The following CKAP5 variants were observed in gnomAD, a reference collection of about 807,000 sequenced individuals.
The protein encoded by CKAP5 is cytoskeleton-associated protein 5.
In CKAP5, 27 loss-of-function variants were observed where a neutral mutation model predicts 232.8. The observed-to-expected ratio is 0.12, with a 90% CI of 0.09 to 0.16. CKAP5 has a LOEUF of 0.16. Among genes scored for constraint, CKAP5 ranks in the 10% least tolerant of loss-of-function variants. The pLI is 1.00. For missense variants in CKAP5, 1,838 were observed against 2,424.7 expected (o/e 0.76, Z 5.08); for synonymous variants, 785 against 841.1 (o/e 0.93, Z 1.16).
In CKAP5 at chr11:46,789,409, G is replaced by A. The variant is rs551293362; in HGVS notation, c.1876-636C>T. On this transcript the variant is annotated intron_variant, in intron 15 of 43. Transcript: ENST00000529230. ...TCTACCAAGGAATCATGATGATAAA[G>A]GGGAGAAAAAGTACTGGATGAGGGG... 2.6e-5 allele frequency among the ~76,000 whole-genome samples: 4 copies of A among 152,070 alleles called. No homozygotes were observed. The South Asian group carries it at 8.3e-4, about 31-fold the overall frequency.
At chr11:46,751,011 C>T in intron 40 of CKAP5, 107 bp downstream of exon 40, 1 of 1,332,860 alleles carries the variant, frequency 7.5e-7, no homozygotes, top group Admixed American at 1.9e-5. Flanking sequence ...AGTCCATGAG[C>T]CTTCACCTTG....
intron 1 of CKAP5, among the ~76,000 whole-genome samples, chr11:46,834,702 A>C (rs1050204548): frequency 6.6e-6 from 1 of 152,126 alleles, no homozygotes; most frequent in Admixed American, 6.5e-5. Context: ...GGTGATATTC[A>C]AGGGGACTAT....
intron 1 of CKAP5, among the ~76,000 whole-genome samples, chr11:46,833,794 A>G (rs1939851616): frequency 6.6e-6 from 1 of 151,712 alleles, no homozygotes; most frequent in Non-Finnish European, 1.5e-5. Flanking sequence ...TAGTAGTATT[A>G]ACAGATTTCA....
chr11:46,841,567 T>G (rs1295487776), intron 1 of CKAP5, among the ~76,000 whole-genome samples: 2 of 152,190 alleles, frequency 1.3e-5, no homozygotes, highest in East Asian at 3.8e-4. Flanking sequence ...GGTGGCCAAG[T>G]GGTCACCCAT....
chr11:46,751,111 C>T lies in CKAP5; in HGVS notation c.5460+7G>A. 6.2e-7 allele frequency: 1 copy of T among 1,614,036 alleles called. No homozygotes were observed. The highest frequency in any genetic ancestry group is 1.1e-5 in the South Asian group (1 of 91,066). On this transcript the variant is annotated splice_region_variant and intron_variant, in intron 40 of 43. Coordinates refer to ENST00000529230, the MANE Select transcript of CKAP5 (RefSeq NM_001008938.4). ...TGTCCCTCAATCTTTCAAGTCAGGC[C>T]ACTCACTATTCGAGATGCTCCCTTT...
chr11:46,778,689 T>C, intron 20 of CKAP5, 90 bp from the exon 21 acceptor site: 1 of 1,066,332 alleles, frequency 9.4e-7, no homozygotes, highest in Non-Finnish European at 1.4e-6. Flanking sequence ...CAAACTCTCA[T>C]TCCTTTGTAA....
At chr11:46,794,456 C>T (rs1365860768) in intron 13 of CKAP5, among the ~76,000 whole-genome samples, 1 of 152,052 alleles carries the variant, frequency 6.6e-6, no homozygotes, top group Non-Finnish European at 1.5e-5. Flanking sequence ...TGCCTCAAAA[C>T]AACCCAATTC....
At chr11:46,755,495 C>T (rs2065103855) in intron 35 of CKAP5, among the ~76,000 whole-genome samples, 1 of 152,004 alleles carries the variant, frequency 6.6e-6, no homozygotes, top group Non-Finnish European at 1.5e-5. Context: ...GCGTGAGCCA[C>T]CGCACCTGGC....
At chr11:46,767,779 T>A in intron 26 of CKAP5, 116 bp from the exon 27 acceptor site, 2 of 613,978 alleles carry the variant, frequency 3.3e-6, no homozygotes, top group Non-Finnish European at 5.3e-6. Context: ...TATCAATTTA[T>A]AAGATGTTTT....
chr11:46,776,330 A>G lies in CKAP5; in HGVS notation c.2916T>C (p.Thr972=). ...CTCCTTCCAGCCATTCCTTCATGCC[A>G]GTCTGTTCTGCCCAAGCATTCACAG... The part of the protein sequence containing the change: ...LATVNAWAEQ[T]GMKEWLEGED... Residue 972 remains threonine, a synonymous_variant, in exon 24 of 44, where the codon ACT becomes ACC. Transcript: ENST00000529230. 1 of 1,614,022 alleles carries G rather than the reference A, an allele frequency of 6.2e-7. No homozygotes were observed. Among genetic ancestry groups the G allele is most frequent in the Admixed American group, 1.7e-5 (1 of 60,010 alleles).
chr11:46,799,963 T>C (rs1938988029), intron 9 of CKAP5, among the ~76,000 whole-genome samples: 1 of 151,628 alleles, frequency 6.6e-6, no homozygotes, highest in African/African-American at 2.4e-5. Flanking sequence ...ATGGTGCCAC[T>C]GCACTCCAGC....
At chr11:46,823,056 G>C (rs573951587) in intron 1 of CKAP5, among the ~76,000 whole-genome samples, 1 of 152,002 alleles carries the variant, frequency 6.6e-6, no homozygotes, top group Non-Finnish European at 1.5e-5. Flanking sequence ...TGCCTCCTGG[G>C]CTCAAGCGAT....
intron 16 of CKAP5, among the ~76,000 whole-genome samples, chr11:46,785,807 T>C (rs1352738637): frequency 6.6e-6 from 1 of 152,106 alleles, no homozygotes; most frequent in Non-Finnish European, 1.5e-5. Flanking sequence ...TAGTTGGGTA[T>C]GGTGGCCCTC....
At chr11:46,812,964 T>A (rs1403986437) in intron 4 of CKAP5, among the ~76,000 whole-genome samples, 3 of 152,000 alleles carry the variant, frequency 2.0e-5, no homozygotes, top group African/African-American at 7.3e-5. Flanking sequence ...TTATTATTAT[T>A]ATTTTTGAGA....
At chr11:46,822,741 C>CAAAAAAA (rs57170422) in intron 1 of CKAP5, among the ~76,000 whole-genome samples, 1 of 77,876 alleles carries the variant, frequency 1.3e-5, no homozygotes, top group African/African-American at 5.0e-5. Flanking sequence ...GACTCCGTCC[C>CAAAAAAA]AAAAAAAAAA....
At chr11:46,810,264 G>GC (rs1939245314) in intron 5 of CKAP5, among the ~76,000 whole-genome samples, 1 of 152,116 alleles carries the variant, frequency 6.6e-6, no homozygotes, top group Admixed American at 6.6e-5. Context: ...AAGCCACCGT[G>GC]CCTGGCCTCT....
At chr11:46,772,867 G>A (rs1318607460) in intron 24 of CKAP5, among the ~76,000 whole-genome samples, 2 of 151,856 alleles carry the variant, frequency 1.3e-5, no homozygotes, top group African/African-American at 4.8e-5. Context: ...ACAGCCTCTC[G>A]AGTAGCTGGG....
intron 24 of CKAP5, among the ~76,000 whole-genome samples, chr11:46,774,761 T>C (rs1043977487): frequency 6.6e-6 from 1 of 152,208 alleles, no homozygotes; most frequent in Non-Finnish European, 1.5e-5. Context: ...ATTTAATAAA[T>C]GGTATTGGGA....
In CKAP5 at chr11:46,797,904, C is replaced by T. The variant is rs756145507; in HGVS notation, c.1239G>A (p.Lys413=). The change falls in exon 11 of 44, where the codon AAG becomes AAA. Residue 413 remains lysine (K), a synonymous_variant. Transcript: ENST00000529230. ...TTGCAATAAAAAGAGATGTCTGCTG[C>T]TTGATGGTTGGATTTTTATTATCCA... ...AVMDNKNPTI[K]QQTSLFIARS... 1.2e-6 allele frequency: 2 copies of T among 1,613,910 alleles called. No homozygotes were observed. Among genetic ancestry groups the T allele is most frequent in the Admixed American group, 3.3e-5 (2 of 59,972 alleles).
Sources: gnomAD v4.1 joint callset for allele counts (sites outside exome capture counted in the v4.1 genomes callset) on GRCh38, gnomAD v4.1.1 for gene constraint, MANE v1.5 for transcripts, NCBI Gene and HGNC (gene_info 2026-07-23, HGNC 2026-07-21) for gene names.